PAX2: variants seen among roughly 807,000 people sequenced by gnomAD.
PAX2 encodes the protein paired box 2.
A neutral mutation model predicts 41.7 loss-of-function variants in PAX2; 9 were observed. The observed-to-expected ratio is 0.22, with a 90% CI of 0.13 to 0.38. The LOEUF (loss-of-function observed/expected upper bound fraction) is 0.38, where lower values mean the gene tolerates loss of function less well. PAX2 is among the 10% of genes least tolerant of loss of function. The probability of loss-of-function intolerance (pLI) is 1.00; values close to 1 mark genes in which losing one functional copy is unlikely to be tolerated. For synonymous variants in PAX2, 221 were observed against 212.7 expected (o/e 1.04, Z -0.34); for missense variants, 418 against 531.6 (o/e 0.79, Z 2.10).
At chr10:100,786,234 C>T (rs1384878865) in intron 5 of PAX2, among the ~76,000 whole-genome samples, 1 of 152,220 alleles carries the variant, frequency 6.6e-6, no homozygotes, top group African/African-American at 2.4e-5. Context: ...CGTCCTCACA[C>T]CCGGGATTGG....
chr10:100,781,467 C>A, intron 5 of PAX2, 102 bp downstream of exon 5: 1 of 1,245,502 alleles, frequency 8.0e-7, no homozygotes, highest in Non-Finnish European at 1.2e-6. Flanking sequence ...GCTGTGAGAT[C>A]AATTTTAGTA....
At position 100,746,000 on chromosome 10, in the gene PAX2, G is replaced by A. The variant is rs1190425898; in HGVS notation, c.-261G>A. ...ACCCCGGCCCGGCCCACCGCCCCGG[G>A]GCCATTCTGCTGACCGCCCAGCCCC... On this transcript the variant is annotated 5_prime_UTR_variant, in exon 1 of 10. Transcript: ENST00000355243. The A allele has an allele frequency of 7.3e-7, 1 of 1,374,874 alleles. No homozygotes were observed. Among genetic ancestry groups the A allele is most frequent in the Non-Finnish European group, 9.3e-7 (1 of 1,070,410 alleles). The allele number at this position is 1,374,874 out of a possible 1,614,324, so 85.2% of individuals were successfully genotyped here.
chr10:100,752,319 A>G (rs1255062702), intron 3 of PAX2, among the ~76,000 whole-genome samples: 1 of 152,246 alleles, frequency 6.6e-6, no homozygotes, highest in Non-Finnish European at 1.5e-5. Flanking sequence ...TGACATTCAG[A>G]TACCTTCCAA....
At chr10:100,758,102 T>C (rs1426202346) in intron 3 of PAX2, among the ~76,000 whole-genome samples, 4 of 151,796 alleles carry the variant, frequency 2.6e-5, no homozygotes, top group African/African-American at 9.7e-5. Flanking sequence ...AGGAAAGAGA[T>C]AGAAAGAGAG....
intron 7 of PAX2, among the ~76,000 whole-genome samples, chr10:100,815,650 G>A (rs577362900): frequency 2.0e-5 from 3 of 152,138 alleles, no homozygotes; most frequent in South Asian, 4.2e-4. Context: ...TGCAGCCTAG[G>A]GAGTCATTGG....
intron 5 of PAX2, among the ~76,000 whole-genome samples, chr10:100,788,161 C>G (rs1395987090): frequency 6.6e-6 from 1 of 152,194 alleles, no homozygotes; most frequent in East Asian, 1.9e-4. Flanking sequence ...AAGGAAATAG[C>G]CTTAAGGAAG....
At chr10:100,768,707 A>G (rs1846106621) in intron 3 of PAX2, among the ~76,000 whole-genome samples, 1 of 152,240 alleles carries the variant, frequency 6.6e-6, no homozygotes, top group South Asian at 2.1e-4. Flanking sequence ...GATTCAGCCT[A>G]CAGACATTGA....
Position 100,793,190 on chromosome 10 carries a change from G to A in PAX2, c.616+11825G>A, listed in dbSNP as rs186728770. Among the ~76,000 whole-genome samples, 17 of 152,338 alleles carry A rather than the reference G, an allele frequency of 1.1e-4. No homozygotes were observed. The East Asian group carries it at 3.3e-3, about 29-fold the overall frequency. On this transcript the variant is annotated intron_variant, in intron 5 of 9. Transcript: ENST00000355243. ...ACCCGCTCCCTGAGAGCCCAGAGAA[G>A]GCTGGGAAAGGGCTAGGGTCCCAGG...
intron 5 of PAX2, among the ~76,000 whole-genome samples, chr10:100,801,326 T>C (rs1411847191): frequency 2.0e-5 from 3 of 152,252 alleles, no homozygotes; most frequent in African/African-American, 7.2e-5. Context: ...AGACCTTTTG[T>C]TAAATGCTAA....
At position 100,748,367 on chromosome 10, in the gene PAX2, C is replaced by G; in HGVS notation, c.44-1379C>G. 1 of 984,426 alleles carries G rather than the reference C, an allele frequency of 1.0e-6. No homozygotes were observed. 61.0% of individuals were successfully genotyped at this position (984,426 alleles called of 1,614,324 possible). Reference sequence around the variant, plus strand: ...GGGGTAAAAGAAGGGGCTTCAGTCTCTCCCAGCAACGCGATCAGAGGTCTT... The same window carrying G: ...GGGGTAAAAGAAGGGGCTTCAGTCTGTCCCAGCAACGCGATCAGAGGTCTT... On this transcript the variant is annotated intron_variant, in intron 1 of 9. Coordinates refer to ENST00000355243, the MANE Select transcript of PAX2 (RefSeq NM_000278.5). This position sits in a 1 kb window ranked among gnomAD's most constrained non-coding sequence, Gnocchi z 5.0.
chr10:100,738,091 T>C, intron 1 of PAX2, among the ~76,000 whole-genome samples: 1 of 152,260 alleles, frequency 6.6e-6, no homozygotes, highest in East Asian at 1.9e-4. Context: ...TCTGGCTCCC[T>C]GACGCTGGTC....
intron 3 of PAX2, among the ~76,000 whole-genome samples, chr10:100,772,098 C>G (rs1449277104): frequency 6.6e-6 from 1 of 151,920 alleles, no homozygotes; most frequent in Non-Finnish European, 1.5e-5. Context: ...AGCCACTGTG[C>G]CCGGCCACAA....
rs928584645 is a variant in PAX2 at position 100,809,006 on chromosome 10, C to T, written c.793-104C>T. On this transcript the variant is annotated intron_variant, in intron 6 of 9. Transcript: ENST00000355243. ...CCCTCTGCCCCACCATCTCTTTCTA[C>T]CCCATCTGGGCGGGCTCCCCTGTTC... is the stretch of plus-strand genomic sequence containing the variant. 9.4e-7 allele frequency: 1 copy of T among 1,064,506 alleles called. No individual in the cohort carries two copies. 65.9% of individuals were successfully genotyped at this position (1,064,506 alleles called of 1,614,324 possible). A position where few individuals can be genotyped will look rare whatever the true frequency, so the allele number is the denominator to read the frequency against.
chr10:100,769,479 T>A (rs1223575939), intron 3 of PAX2, among the ~76,000 whole-genome samples: 3 of 151,768 alleles, frequency 2.0e-5, no homozygotes, highest in Non-Finnish European at 4.4e-5. Flanking sequence ...AATACAAAAA[T>A]GAGCTGGGCG....
intron 5 of PAX2, among the ~76,000 whole-genome samples, chr10:100,782,054 G>A (rs960682153): frequency 2.0e-5 from 3 of 152,190 alleles, no homozygotes; most frequent in Admixed American, 1.3e-4. Flanking sequence ...TTTTTCAAAT[G>A]TCGTGACATT....
At chr10:100,803,575 C>A (rs1006017525) in intron 5 of PAX2, among the ~76,000 whole-genome samples, 2 of 152,116 alleles carry the variant, frequency 1.3e-5, no homozygotes, top group African/African-American at 4.8e-5. Flanking sequence ...CCTCCCTGCA[C>A]CCCATAAGTT....
intron 6 of PAX2, among the ~76,000 whole-genome samples, chr10:100,808,731 T>C (rs1389348687): frequency 1.3e-5 from 2 of 152,192 alleles, no homozygotes; most frequent in Admixed American, 6.5e-5. Flanking sequence ...TCCCAGCTAC[T>C]GGCTCTGCCA....
chr10:100,782,293 C>T (rs1185957898), intron 5 of PAX2, among the ~76,000 whole-genome samples: 1 of 152,238 alleles, frequency 6.6e-6, no homozygotes, highest in Non-Finnish European at 1.5e-5. Flanking sequence ...GGGTGACCAT[C>T]TATCCCATTA....
intron 3 of PAX2, among the ~76,000 whole-genome samples, chr10:100,767,257 G>A (rs953908218): frequency 6.6e-6 from 1 of 152,140 alleles, no homozygotes; most frequent in African/African-American, 2.4e-5. Flanking sequence ...AACGATCACA[G>A]CTGCAGTCCT....
Sources: gnomAD v4.1 joint callset for allele counts (sites outside exome capture counted in the v4.1 genomes callset) on GRCh38, gnomAD v4.1.1 for gene constraint, Gnocchi (gnomAD v3.1) non-coding constraint, MANE v1.5 for transcripts, NCBI Gene and HGNC (gene_info 2026-07-23, HGNC 2026-07-21) for gene names.